E2F3: variants seen among roughly 807,000 people sequenced by gnomAD.
The protein encoded by E2F3 is E2F transcription factor 3.
In E2F3, 11 loss-of-function variants were observed where a neutral mutation model predicts 44.4. The ratio of observed to expected loss-of-function variants is 0.25; its 90% CI spans 0.16 to 0.41. The LOEUF (loss-of-function observed/expected upper bound fraction) is 0.41, where lower values mean the gene tolerates loss of function less well. E2F3 is among the 10% of genes least tolerant of loss of function. The pLI, the probability that E2F3 is intolerant of heterozygous loss-of-function variation, is 1.00. For missense variants in E2F3, 487 were observed against 583.6 expected, an observed-to-expected ratio of 0.83 and a Z score of 1.70; for synonymous variants, 249 against 253.0, an observed-to-expected ratio of 0.98 and a Z score of 0.15.
intron 1 of E2F3, among the ~76,000 whole-genome samples, chr6:20,458,392 T>C (rs1364209455): frequency 6.6e-6 from 1 of 152,118 alleles, no homozygotes; most frequent in Non-Finnish European, 1.5e-5. Context: ...ATAAATTAAA[T>C]AGGTAGGTCA....
intron 1 of E2F3, among the ~76,000 whole-genome samples, chr6:20,431,691 C>T (rs922635622): frequency 2.0e-5 from 3 of 152,120 alleles, no homozygotes; most frequent in Non-Finnish European, 2.9e-5. Context: ...CAATAATACA[C>T]CCACCTCACT....
chr6:20,474,441 C>T (rs1761984384), intron 1 of E2F3, among the ~76,000 whole-genome samples: 1 of 152,228 alleles, frequency 6.6e-6, no homozygotes, highest in South Asian at 2.1e-4. Flanking sequence ...GGCTTTACCA[C>T]TGCTTGGAAC....
At chr6:20,406,579 C>T (rs917246040) in intron 1 of E2F3, among the ~76,000 whole-genome samples, 2 of 152,074 alleles carry the variant, frequency 1.3e-5, no homozygotes, top group Non-Finnish European at 2.9e-5. Context: ...AAAACATGGC[C>T]ATCCTAGGGG....
At chr6:20,475,924 T>G (rs372425635) in intron 1 of E2F3, among the ~76,000 whole-genome samples, 6 of 152,352 alleles carry the variant, frequency 3.9e-5, no homozygotes, top group African/African-American at 1.4e-4. Context: ...TCTCTCTATC[T>G]GTAGTATCTT....
intron 1 of E2F3, among the ~76,000 whole-genome samples, chr6:20,474,180 T>G (rs1380897156): frequency 1.3e-4 from 20 of 152,008 alleles, no homozygotes; most frequent in Non-Finnish European, 4.4e-5. Context: ...CAAGTGATCC[T>G]CTTGCCTCAG....
intron 1 of E2F3, among the ~76,000 whole-genome samples, chr6:20,448,500 T>G (rs1183470373): frequency 6.6e-6 from 1 of 152,180 alleles, no homozygotes; most frequent in Non-Finnish European, 1.5e-5. Context: ...AGAAAATAGA[T>G]GTTTGTAAAA....
intron 1 of E2F3, among the ~76,000 whole-genome samples, chr6:20,412,020 T>G (rs193064178): frequency 2.0e-5 from 3 of 152,188 alleles, no homozygotes; most frequent in Non-Finnish European, 4.4e-5. Flanking sequence ...ATTAGTCCTA[T>G]TGGGGATACA....
intron 1 of E2F3, among the ~76,000 whole-genome samples, chr6:20,436,126 A>G (rs1251144340): frequency 2.0e-5 from 3 of 151,966 alleles, no homozygotes; most frequent in Non-Finnish European, 2.9e-5. Context: ...AATTACAGGC[A>G]TGTACCACCA....
intron 1 of E2F3, among the ~76,000 whole-genome samples, chr6:20,414,322 C>T (rs1242640536): frequency 6.6e-6 from 1 of 152,176 alleles, no homozygotes; most frequent in Non-Finnish European, 1.5e-5. Context: ...TACCCCGTCT[C>T]CTAGCTGCTG....
At chr6:20,479,807 A>G (rs779160529) in intron 1 of E2F3, 39 bp from the exon 2 acceptor site, 4 of 1,561,240 alleles carry the variant, frequency 2.6e-6, no homozygotes, top group African/African-American at 1.4e-5. Context: ...GTTCTTGTCC[A>G]TATGACCGGT....
At chr6:20,403,429 T>G (rs1256648990) in intron 1 of E2F3, among the ~76,000 whole-genome samples, 1 of 151,700 alleles carries the variant, frequency 6.6e-6, no homozygotes, top group African/African-American at 2.4e-5. Flanking sequence ...TTCCCCGCCC[T>G]GTCCCCCTCT....
chr6:20,413,144 CTG>C (rs1759729252), intron 1 of E2F3, among the ~76,000 whole-genome samples: 1 of 152,202 alleles, frequency 6.6e-6, no homozygotes, highest in African/African-American at 2.4e-5. Context: ...TATTTATCCT[CTG>C]TGGTCTCTGG....
chr6:20,413,695 C>A (rs1344997561), intron 1 of E2F3, among the ~76,000 whole-genome samples: 1 of 152,162 alleles, frequency 6.6e-6, no homozygotes, highest in Admixed American at 6.5e-5. Context: ...AGTAGGAAGG[C>A]TTTTCATTCT....
intron 1 of E2F3, among the ~76,000 whole-genome samples, chr6:20,476,991 A>AAT (rs565840563): frequency 2.0e-5 from 3 of 152,160 alleles, no homozygotes; most frequent in Non-Finnish European, 4.4e-5. Context: ...CACATCGTAA[A>AAT]ATATATATAT....
chr6:20,430,529 G>T (rs545073048), intron 1 of E2F3, among the ~76,000 whole-genome samples: 77 of 152,160 alleles, frequency 5.1e-4, no homozygotes, highest in African/African-American at 1.7e-3. Context: ...GGTCTTAAAG[G>T]GTAGCTTGAA....
chr6:20,488,889 G>T (rs1340212824), intron 6 of E2F3, among the ~76,000 whole-genome samples: 1 of 152,134 alleles, frequency 6.6e-6, no homozygotes, highest in African/African-American at 2.4e-5. Flanking sequence ...TGCTACTCGG[G>T]AGGCTGAGGC....
intron 1 of E2F3, among the ~76,000 whole-genome samples, chr6:20,457,078 G>T (rs370826574): frequency 1.3e-5 from 2 of 151,942 alleles, no homozygotes; most frequent in African/African-American, 2.4e-5. Context: ...TTTCTCCTCC[G>T]CACCCCCTTT....
chr6:20,421,352 T>C (rs1760021843), intron 1 of E2F3, among the ~76,000 whole-genome samples: 1 of 152,206 alleles, frequency 6.6e-6, no homozygotes, highest in Non-Finnish European at 1.5e-5. Context: ...TTTGGAGGAA[T>C]CACTATTTAT....
intron 1 of E2F3, among the ~76,000 whole-genome samples, chr6:20,410,454 T>C (rs1759634981): frequency 1.3e-5 from 2 of 152,192 alleles, no homozygotes; most frequent in African/African-American, 2.4e-5. Context: ...GGAGGAATGA[T>C]AGTACCTACC....
Sources: gnomAD v4.1 joint callset for allele counts (sites outside exome capture counted in the v4.1 genomes callset) on GRCh38, gnomAD v4.1.1 for gene constraint, MANE v1.5 for transcripts, NCBI Gene and HGNC (gene_info 2026-07-23, HGNC 2026-07-21) for gene names.